The following MIGA1 variants were observed in gnomAD, a reference collection of about 807,000 sequenced individuals.
The protein encoded by MIGA1 is family with sequence similarity 73, member A.
MIGA1 carries 58 observed loss-of-function variants against 82.0 expected under a neutral mutation model. That is an observed-to-expected ratio of 0.71 (90% CI 0.57 to 0.88). The LOEUF (loss-of-function observed/expected upper bound fraction) is 0.88, where lower values mean the gene tolerates loss of function less well. Among genes scored for constraint, MIGA1 ranks in the 40% least tolerant of loss-of-function variants. The pLI is 0.00. For missense variants in MIGA1, 751 were observed against 749.1 expected, an observed-to-expected ratio of 1.00 and a Z score of -0.03; for synonymous variants, 249 against 253.6, an observed-to-expected ratio of 0.98 and a Z score of 0.17.
chr1:77,852,087 C>G (rs1267868829), intron 8 of MIGA1, among the ~76,000 whole-genome samples: 1 of 151,870 alleles, frequency 6.6e-6, no homozygotes, highest in African/African-American at 2.4e-5. Flanking sequence ...GTTTCGCCAT[C>G]ATGGCCAGGC....
intron 2 of MIGA1, 30 bp from the exon 3 acceptor site, chr1:77,801,301 T>C: frequency 6.6e-7 from 1 of 1,508,158 alleles, no homozygotes; most frequent in Non-Finnish European, 8.8e-7. Context: ...TTAAAGAGAT[T>C]TTTTTCAATT....
intron 7 of MIGA1, among the ~76,000 whole-genome samples, chr1:77,842,182 C>T (rs1237752004): frequency 6.6e-6 from 1 of 152,134 alleles, no homozygotes; most frequent in Non-Finnish European, 1.5e-5. Context: ...CTCTTTCATA[C>T]TTATGATACA....
Position 77,827,244 on chromosome 1 carries a change from AC to A in MIGA1, c.895+12014del, listed in dbSNP as rs1684065812. Among the ~76,000 whole-genome samples, 4 of 152,024 alleles carry A rather than the reference AC, an allele frequency of 2.6e-5. No individual in the cohort carries two copies. In the South Asian group the frequency reaches 8.3e-4, roughly 32 times the overall value. The stretch of plus-strand genomic sequence containing the variant: ...CTCCCGACTACCACGCCTGACCTAA[AC>A]TTTTTTTCTTAATAGCCAGATTGGA... On this transcript the variant is annotated intron_variant, in intron 7 of 15. Coordinates refer to ENST00000370791, the MANE Select transcript of MIGA1 (RefSeq NM_198549.4).
chr1:77,820,125 A>C (rs1194145373), intron 7 of MIGA1, among the ~76,000 whole-genome samples: 1 of 70,670 alleles, frequency 1.4e-5, no homozygotes. Context: ...TTTTTTTTTT[A>C]ATTTTTCTTC....
chr1:77,838,511 G>A (rs1425962410), intron 7 of MIGA1, among the ~76,000 whole-genome samples: 1 of 151,988 alleles, frequency 6.6e-6, no homozygotes, highest in African/African-American at 2.4e-5. Context: ...ATAGTGGTGC[G>A]ATCTCAGCTC....
chr1:77,863,317 C>T (rs1189163950), intron 12 of MIGA1, among the ~76,000 whole-genome samples: 10 of 152,232 alleles, frequency 6.6e-5, no homozygotes, highest in Admixed American at 5.9e-4. Flanking sequence ...CCTTTCCTCC[C>T]TGCATTCATT....
chr1:77,820,106 C>CTTT (rs59328443), intron 7 of MIGA1, among the ~76,000 whole-genome samples: 1 of 127,932 alleles, frequency 7.8e-6, no homozygotes, highest in African/African-American at 2.9e-5. Context: ...TTGTGTAGAT[C>CTTT]TTTTTTTTTT....
intron 8 of MIGA1, among the ~76,000 whole-genome samples, chr1:77,844,112 A>AT (rs1557924158): frequency 2.6e-3 from 130 of 49,922 alleles, no homozygotes; most frequent in South Asian, 0.011. Context: ...AAAAAAAAAA[A>AT]AATATATATA....
intron 2 of MIGA1, among the ~76,000 whole-genome samples, chr1:77,786,966 CTG>C (rs1682189455): frequency 1.3e-5 from 2 of 152,192 alleles, no homozygotes; most frequent in African/African-American, 4.8e-5. Flanking sequence ...ATACCTGAGA[CTG>C]GGCAATTTAC....
intron 2 of MIGA1, among the ~76,000 whole-genome samples, chr1:77,786,615 CA>C (rs1368908879): frequency 1.4e-4 from 22 of 152,326 alleles, no homozygotes; most frequent in Middle Eastern, 3.4e-3. Context: ...ATTTCTAGGT[CA>C]GGGGCAAAAT....
intron 8 of MIGA1, among the ~76,000 whole-genome samples, chr1:77,844,100 TAAA>T (rs140327554): frequency 0.018 from 1,195 of 68,178 alleles, 11 homozygotes; most frequent in Admixed American, 0.027. Context: ...GACCCTGTCT[TAAA>T]AAAAAAAAAA....
chr1:77,866,774 C>T (rs1241249094), intron 14 of MIGA1, among the ~76,000 whole-genome samples: 1 of 149,594 alleles, frequency 6.7e-6, no homozygotes, highest in Non-Finnish European at 1.5e-5. Flanking sequence ...ATCTTTGCTT[C>T]CCGGGTTCAA....
At chr1:77,835,055 A>C (rs1379771210) in intron 7 of MIGA1, among the ~76,000 whole-genome samples, 1 of 152,204 alleles carries the variant, frequency 6.6e-6, no homozygotes, top group Admixed American at 6.5e-5. Context: ...AGTGTTTTCT[A>C]AGTGACAGAA....
chr1:77,840,224 G>A (rs1389621632), intron 7 of MIGA1, among the ~76,000 whole-genome samples: 2 of 152,094 alleles, frequency 1.3e-5, no homozygotes, highest in Non-Finnish European at 2.9e-5. Context: ...TGAAATAAGA[G>A]GTATAGTCTA....
intron 2 of MIGA1, among the ~76,000 whole-genome samples, chr1:77,794,178 A>G (rs938654140): frequency 6.6e-6 from 1 of 152,218 alleles, no homozygotes; most frequent in African/African-American, 2.4e-5. Flanking sequence ...TTAACATCTT[A>G]ATATTAATGT....
intron 1 of MIGA1, chr1:77,780,202 C>T: frequency 1.0e-6 from 1 of 987,212 alleles, no homozygotes; most frequent in Non-Finnish European, 1.2e-6. Flanking sequence ...GGTAGGGCAG[C>T]TGGTGAGGTC....
intron 14 of MIGA1, among the ~76,000 whole-genome samples, chr1:77,867,046 T>G (rs1422639788): frequency 1.3e-5 from 2 of 152,158 alleles, no homozygotes; most frequent in Non-Finnish European, 2.9e-5. Flanking sequence ...AAATAAAGAT[T>G]TGATTCTAAT....
Position 77,779,651 on chromosome 1 carries a change from TC to T in MIGA1, c.-4del. The T allele has an allele frequency of 6.3e-7, 1 of 1,575,272 alleles. No individual in the cohort carries two copies. Among genetic ancestry groups the T allele is most frequent in the Non-Finnish European group, 8.6e-7 (1 of 1,160,190 alleles). The stretch of plus-strand genomic sequence containing the variant: ...TCCTGACCCCGGAAGGACTCCGCCT[TC>T]TCCATGTCAGACTGCTGCTCAGCGC... On this transcript the variant is annotated 5_prime_UTR_variant, in exon 1 of 16. Coordinates refer to ENST00000370791, the MANE Select transcript of MIGA1 (RefSeq NM_198549.4).
intron 2 of MIGA1, among the ~76,000 whole-genome samples, chr1:77,785,106 C>G (rs1682090903): frequency 6.6e-6 from 1 of 152,180 alleles, no homozygotes; most frequent in Non-Finnish European, 1.5e-5. Context: ...CCAACAGTCC[C>G]TCAAAGTCTT....
Sources: gnomAD v4.1 joint callset for allele counts (sites outside exome capture counted in the v4.1 genomes callset) on GRCh38, gnomAD v4.1.1 for gene constraint, MANE v1.5 for transcripts, NCBI Gene and HGNC (gene_info 2026-07-23, HGNC 2026-07-21) for gene names.